The following UPK3A variants were observed in gnomAD, a reference collection of about 807,000 sequenced individuals.
UPK3A encodes uroplakin 3A.
In UPK3A, 32 loss-of-function variants were observed where a neutral mutation model predicts 27.6. The ratio of observed to expected loss-of-function variants is 1.16; its 90% confidence interval spans 0.87 to 1.55. UPK3A has a LOEUF of 1.55. Ranked by LOEUF, UPK3A falls within the 40% of genes most tolerant of loss-of-function variation. The pLI, the probability that UPK3A is intolerant of heterozygous loss-of-function variation, is 0.00. For missense variants in UPK3A, 370 were observed against 367.9 expected (o/e 1.01, Z -0.05); for synonymous variants, 171 against 163.9 (o/e 1.04, Z -0.33).
intron 3 of UPK3A, among the ~76,000 whole-genome samples, chr22:45,287,880 T>C (rs2084130503): frequency 6.6e-6 from 1 of 152,194 alleles, no homozygotes; most frequent in African/African-American, 2.4e-5. Flanking sequence ...GTCAAGCTGG[T>C]CTCGAACTCC....
At chr22:45,290,380 G>A (rs1358817132) in intron 4 of UPK3A, among the ~76,000 whole-genome samples, 1 of 152,184 alleles carries the variant, frequency 6.6e-6, no homozygotes, top group Non-Finnish European at 1.5e-5. Flanking sequence ...GGGCGTGGGG[G>A]GCTCTGAAAG....
rs2084128043 is a variant in UPK3A, at chr22:45,287,505, G to A, written c.488+54G>A. 167 of 1,551,256 alleles carry A rather than the reference G, an allele frequency of 1.1e-4. 2 individuals are homozygous for A. The South Asian group carries it at 1.9e-3, about 17-fold the overall frequency. On this transcript the variant is annotated intron_variant, in intron 3 of 5. Coordinates refer to ENST00000216211, the MANE Select transcript of UPK3A (RefSeq NM_006953.4). The stretch of plus-strand genomic sequence containing the variant: ...GCCGCGGCAGTTCCCCAGTCCTGAT[G>A]AGGGAGAGCAGGGGCAAAGTAGGAG...
In UPK3A at chr22:45,295,809, A is replaced by C. The variant is rs1245422764; in HGVS notation, c.*90A>C. 1.3e-6 allele frequency: 2 copies of C among 1,497,562 alleles called. No homozygotes were observed. Among genetic ancestry groups the C allele is most frequent in the East Asian group, 4.6e-5 (2 of 43,462 alleles). The allele number at this position is 1,497,562 out of a possible 1,614,324, so 92.8% of individuals were successfully genotyped here. ...GGTTGTCACACCCTGACTTCAGGGAAGGTGAAACAGGGCTTGTCCCTCCAA... is the reference window on the plus strand; with the variant it reads ...GGTTGTCACACCCTGACTTCAGGGACGGTGAAACAGGGCTTGTCCCTCCAA... On this transcript the variant is annotated 3_prime_UTR_variant, in exon 6 of 6. Coordinates refer to ENST00000216211, the MANE Select transcript of UPK3A (RefSeq NM_006953.4).
rs760544408 is a variant in UPK3A at position 45,287,152 on chromosome 22, T to C, written c.209-20T>C. The stretch of plus-strand genomic sequence containing the variant: ...GAGCCGGAGTGGCCAGAAGCCTGAC[T>C]CCCTGCACCGCCTCTGCAGCCATTT... On this transcript the variant is annotated intron_variant, in intron 2 of 5. Coordinates refer to ENST00000216211, the MANE Select transcript of UPK3A (RefSeq NM_006953.4). The C allele has an allele frequency of 7.3e-5, 118 of 1,613,498 alleles. No individual in the cohort carries two copies. The highest frequency in any genetic ancestry group is 9.6e-5 in the Non-Finnish European group (113 of 1,180,002).
rs1430948885 is a variant in UPK3A, at chr22:45,287,311, G to C, written c.348G>C (p.Leu116=). 1 of 1,614,114 alleles carries C rather than the reference G, an allele frequency of 6.2e-7. No homozygotes were observed. Among genetic ancestry groups the C allele is most frequent in the African/African-American group, 1.3e-5 (1 of 74,924 alleles). The change falls in exon 3 of 6, where the codon CTG becomes CTC. Residue 116 remains leucine (L), a synonymous_variant. Transcript: ENST00000216211. ...DLIPCSDLPS[L]DAIGDVSKAS... is the part of the protein sequence containing the mutation. ...TCCCCTGCAGTGACCTGCCCAGCCT[G>C]GATGCCATTGGGGATGTGTCCAAGG...
intron 4 of UPK3A, 80 bp from the exon 5 acceptor site, chr22:45,293,101 G>A (rs2084172382): frequency 1.3e-6 from 2 of 1,592,408 alleles, no homozygotes; most frequent in East Asian, 4.6e-5. Context: ...GCCAGGGCGG[G>A]GGAGACACCC....
chr22:45,289,067 G>C lies in UPK3A; in HGVS notation c.495G>C (p.Lys165Asn). The C allele has an allele frequency of 4.3e-6, 7 of 1,613,902 alleles. No individual in the cohort carries two copies. The highest frequency in any genetic ancestry group is 5.9e-6 in the Non-Finnish European group (7 of 1,180,010). Residue 165 changes from lysine to asparagine, a missense_variant, in exon 4 of 6, where the codon AAG becomes AAC. Physicochemically the swap from Lys to Asn is moderately conservative, Grantham distance 94. Transcript: ENST00000216211. ...TGGCTCCGTCTCCTTCCAGGTTCAA[G>C]TATGTCCTGGTCAATATGTCCACGG... ...PLSAATEYRF[K>N]YVLVNMSTGL...
chr22:45,289,546 C>A (rs1224252616), intron 4 of UPK3A, among the ~76,000 whole-genome samples: 1 of 147,806 alleles, frequency 6.8e-6, no homozygotes, highest in African/African-American at 2.5e-5. Flanking sequence ...CCACTGCATT[C>A]CAGCCTGGGC....
chr22:45,287,543 TTGAGAACTTATATGC>T, intron 3 of UPK3A, 92 bp downstream of exon 3: 3 of 1,488,456 alleles, frequency 2.0e-6, no homozygotes, highest in Non-Finnish European at 1.8e-6. Context: ...GCCACACTTC[TTGAGAACTTATATGC>T]TGAGAACATC....
At position 45,285,065 on chromosome 22, in the gene UPK3A, G is replaced by T. The variant is rs1225485813; in HGVS notation, c.52G>T (p.Ala18Ser). The T allele has an allele frequency of 7.8e-6, 12 of 1,536,290 alleles. No homozygotes were observed. In the African/African-American group the frequency reaches 1.1e-4, roughly 14 times the overall value. ...CCTCGGCTGCCTGCGGTTCGGCTCG[G>T]GTAGGCGGTGAAGGGCAGGAGGGGG... is the stretch of plus-strand genomic sequence containing the variant. ...LALGCLRFGS[A>S]VNLQPQLASV... Residue 18 changes from alanine to serine, a missense_variant and splice_region_variant, in exon 1 of 6, where the codon GCT becomes TCT. Coordinates refer to ENST00000216211, the MANE Select transcript of UPK3A (RefSeq NM_006953.4).
At chr22:45,291,175 T>C (rs2084157924) in intron 4 of UPK3A, among the ~76,000 whole-genome samples, 2 of 152,064 alleles carry the variant, frequency 1.3e-5, no homozygotes, top group South Asian at 4.1e-4. Flanking sequence ...TGCTGGTATA[T>C]GTGGTGTGTG....
Position 45,293,188 on chromosome 22 carries a change from A to C in UPK3A, c.579A>C (p.Pro193=). Residue 193 remains proline (P), a synonymous_variant, in exon 5 of 6, where the codon CCA becomes CCC. Coordinates refer to ENST00000216211, the MANE Select transcript of UPK3A (RefSeq NM_006953.4). ...GGCTGCATCCCACCACAGTCACCCC[A>C]TACTCGACGATCGACACGTGGCCAG... ...SDPIRTNQLT[P]YSTIDTWPGR... The C allele has an allele frequency of 6.2e-7, 1 of 1,613,866 alleles. No individual in the cohort carries two copies. Among genetic ancestry groups the C allele is most frequent in the East Asian group, 2.2e-5 (1 of 44,836 alleles).
intron 4 of UPK3A, 61 bp downstream of exon 4, chr22:45,289,204 A>G: frequency 6.4e-7 from 1 of 1,561,052 alleles, no homozygotes; most frequent in African/African-American, 1.4e-5. Flanking sequence ...GGGGCCAGCC[A>G]CGGCGGTGAG....
intron 4 of UPK3A, among the ~76,000 whole-genome samples, chr22:45,289,783 A>ACTTCCTC (rs2084147413): frequency 6.6e-6 from 1 of 150,892 alleles, no homozygotes; most frequent in Non-Finnish European, 1.5e-5. Flanking sequence ...TGAACCTGGA[A>ACTTCCTC]CTTCCTCCTT....
At chr22:45,290,494 G>A (rs534705368) in intron 4 of UPK3A, among the ~76,000 whole-genome samples, 4 of 152,240 alleles carry the variant, frequency 2.6e-5, no homozygotes, top group South Asian at 2.1e-4. Context: ...TTTGTGTTGC[G>A]TGTGGCGTGT....
chr22:45,292,712 T>C (rs2084169789), intron 4 of UPK3A, among the ~76,000 whole-genome samples: 2 of 152,044 alleles, frequency 1.3e-5, no homozygotes, highest in East Asian at 1.9e-4. Flanking sequence ...AAGACCAGAC[T>C]GGGCAACATG....
chr22:45,286,524 A>G (rs570370524), intron 2 of UPK3A, among the ~76,000 whole-genome samples: 1 of 152,286 alleles, frequency 6.6e-6, no homozygotes, highest in African/African-American at 2.4e-5. Context: ...TTTCTGAGAC[A>G]AAACCATGCA....
At position 45,295,834 on chromosome 22, in the gene UPK3A, A is replaced by C; in HGVS notation, c.*115A>C. 8.0e-7 allele frequency: 1 copy of C among 1,248,072 alleles called. No individual in the cohort carries two copies. The highest frequency in any genetic ancestry group is 1.1e-6 in the Non-Finnish European group (1 of 877,332). The allele number at this position is 1,248,072 out of a possible 1,614,324, so 77.3% of individuals were successfully genotyped here. Reference sequence around the variant, plus strand: ...AGGTGAAACAGGGCTTGTCCCTCCAACTGCAGGAAAACCCTTAATAAAATC... The same window carrying C: ...AGGTGAAACAGGGCTTGTCCCTCCACCTGCAGGAAAACCCTTAATAAAATC... On this transcript the variant is annotated 3_prime_UTR_variant, in exon 6 of 6. Transcript: ENST00000216211.
chr22:45,293,840 A>G (rs890123628), intron 5 of UPK3A, among the ~76,000 whole-genome samples: 2 of 152,150 alleles, frequency 1.3e-5, no homozygotes, highest in Admixed American at 6.5e-5. Flanking sequence ...GCCCAAGGCG[A>G]CACAACCTGG....
Sources: allele counts gnomAD v4.1 joint callset (sites outside exome capture counted in the v4.1 genomes callset), GRCh38; gene constraint gnomAD v4.1.1; transcripts MANE v1.5; gene names NCBI Gene and HGNC (gene_info 2026-07-23, HGNC 2026-07-21).